PSD3: variants seen among roughly 807,000 people sequenced by gnomAD.
The protein encoded by PSD3 is PH and SEC7 domain-containing protein 3.
PSD3 carries 49 observed loss-of-function variants against 105.5 expected under a neutral mutation model. The observed-to-expected ratio is 0.46, with a 90% CI of 0.37 to 0.59. PSD3 has a LOEUF of 0.59. PSD3 is among the 20% of genes least tolerant of loss of function. The pLI, the probability that PSD3 is intolerant of heterozygous loss-of-function variation, is 0.00. For synonymous variants in PSD3, 557 were observed against 457.8 expected, an observed-to-expected ratio of 1.22 and a Z score of -2.77; for missense variants, 1,561 against 1,263.8, an observed-to-expected ratio of 1.24 and a Z score of -3.57.
intron 9 of PSD3, among the ~76,000 whole-genome samples, chr8:18,765,065 T>C (rs748044384): frequency 2.0e-5 from 3 of 152,212 alleles, no homozygotes; most frequent in Non-Finnish European, 4.4e-5. Context: ...AGACTAGGGA[T>C]TGAACACAGT....
At chr8:18,792,280 G>A (rs141902245) in intron 8 of PSD3, among the ~76,000 whole-genome samples, 19 of 152,272 alleles carry the variant, frequency 1.2e-4, no homozygotes, top group African/African-American at 4.3e-4. Flanking sequence ...GTTAATTGCA[G>A]CACTATTTAC....
At chr8:18,608,030 C>A (rs1029437862) in intron 11 of PSD3, among the ~76,000 whole-genome samples, 20 of 152,252 alleles carry the variant, frequency 1.3e-4, no homozygotes, top group African/African-American at 4.8e-4. Flanking sequence ...GTGGGAACTA[C>A]AATTCAGGAT....
rs531698820 is a variant in PSD3, at chr8:18,593,424, A to C, written c.2481+6940T>G. On this transcript the variant is annotated intron_variant, in intron 12 of 15. Coordinates refer to ENST00000327040, the MANE Select transcript of PSD3 (RefSeq NM_015310.4). Reference sequence around the variant, plus strand: ...AAATGCAAATCAAAACCACAATGAGATATCATCTCACACCAGTTAGAACGG... The same window carrying C: ...AAATGCAAATCAAAACCACAATGAGCTATCATCTCACACCAGTTAGAACGG... Among the ~76,000 whole-genome samples, 625 of 152,340 alleles carry C rather than the reference A, an allele frequency of 4.1e-3. 4 individuals are homozygous for C. Among genetic ancestry groups the C allele is most frequent in the African/African-American group, 0.014 (582 of 41,586 alleles).
intron 9 of PSD3, among the ~76,000 whole-genome samples, chr8:18,707,767 C>G (rs1801989428): frequency 6.6e-6 from 1 of 152,166 alleles, no homozygotes; most frequent in Admixed American, 6.5e-5. Context: ...TCTTATACTT[C>G]TTCCCCGAAG....
chr8:18,547,698 C>A (rs1376290677), intron 15 of PSD3, among the ~76,000 whole-genome samples: 1 of 152,174 alleles, frequency 6.6e-6, no homozygotes, highest in Non-Finnish European at 1.5e-5. Context: ...CACTTCTCAA[C>A]TCCCTTTCTT....
At chr8:18,884,848 A>G (rs1315702027) in intron 2 of PSD3, among the ~76,000 whole-genome samples, 2 of 152,290 alleles carry the variant, frequency 1.3e-5, no homozygotes, top group East Asian at 3.9e-4. Context: ...CATTCAGTCA[A>G]TTTCAGAGGC....
chr8:18,962,599 T>C (rs1048219595), intron 1 of PSD3, among the ~76,000 whole-genome samples: 11 of 152,302 alleles, frequency 7.2e-5, no homozygotes, highest in Middle Eastern at 3.4e-3. Context: ...TGGGTTAGAG[T>C]TATTCCAATT....
At chr8:18,943,095 T>C (rs1175186763) in intron 1 of PSD3, among the ~76,000 whole-genome samples, 1 of 152,070 alleles carries the variant, frequency 6.6e-6, no homozygotes, top group African/African-American at 2.4e-5. Context: ...TACATGAGAA[T>C]CCTAAGATTC....
chr8:18,638,912 G>A (rs1033628209), intron 10 of PSD3, among the ~76,000 whole-genome samples: 6 of 152,146 alleles, frequency 3.9e-5, no homozygotes, highest in Admixed American at 6.5e-5. Context: ...AAGTAGCTAA[G>A]GTCAACTGGA....
chr8:18,621,467 T>A (rs1806104570), intron 11 of PSD3, among the ~76,000 whole-genome samples: 1 of 152,216 alleles, frequency 6.6e-6, no homozygotes. Flanking sequence ...CAACCGACTT[T>A]ATTGCCAGAA....
intron 1 of PSD3, among the ~76,000 whole-genome samples, chr8:18,966,626 T>C (rs1468536968): frequency 3.0e-4 from 45 of 150,498 alleles, no homozygotes; most frequent in Non-Finnish European, 5.9e-5. Flanking sequence ...AATACTTCCC[T>C]AGACCTCCTG....
At chr8:18,760,109 T>G (rs1007678501) in intron 9 of PSD3, among the ~76,000 whole-genome samples, 5 of 151,660 alleles carry the variant, frequency 3.3e-5, no homozygotes, top group Admixed American at 3.3e-4. Context: ...TAGAGGAACT[T>G]TCAAGAAAAT....
At chr8:18,591,662 T>C (rs886287092) in intron 12 of PSD3, among the ~76,000 whole-genome samples, 4 of 152,150 alleles carry the variant, frequency 2.6e-5, no homozygotes, top group African/African-American at 9.7e-5. Flanking sequence ...TGTACTTGAT[T>C]TCTCCCTTGG....
At chr8:18,567,920 C>G (rs1333800984) in intron 14 of PSD3, among the ~76,000 whole-genome samples, 1 of 152,128 alleles carries the variant, frequency 6.6e-6, no homozygotes, top group Non-Finnish European at 1.5e-5. Flanking sequence ...GGGGTAGATC[C>G]CTCATGAATG....
At chr8:18,729,136 TTCA>T (rs2129430495) in intron 9 of PSD3, among the ~76,000 whole-genome samples, 1 of 152,306 alleles carries the variant, frequency 6.6e-6, no homozygotes, top group African/African-American at 2.4e-5. Flanking sequence ...CGCTAGAGAC[TTCA>T]TCAACTATAA....
chr8:19,048,652 CTT>C (rs143326205), intron 1 of PSD3, among the ~76,000 whole-genome samples: 4,774 of 152,264 alleles, frequency 0.031, 237 homozygotes, highest in African/African-American at 0.11. Context: ...TAGAGATACA[CTT>C]TGCCTGTGAA....
intron 1 of PSD3, among the ~76,000 whole-genome samples, chr8:18,946,117 C>G (rs750931493): frequency 5.2e-4 from 79 of 152,318 alleles, no homozygotes; most frequent in Non-Finnish European, 3.2e-4. Flanking sequence ...CTTTTTAGCA[C>G]AGATCATCCA....
intron 2 of PSD3, among the ~76,000 whole-genome samples, chr8:18,918,221 TGCACAACACCAC>T (rs1820750285): frequency 1.3e-5 from 2 of 152,230 alleles, no homozygotes. Flanking sequence ...AGCCATGGTC[TGCACAACACCAC>T]AGCTTTATAT....
chr8:18,773,815 G>T (rs1156232398), intron 8 of PSD3, among the ~76,000 whole-genome samples: 2 of 152,116 alleles, frequency 1.3e-5, no homozygotes, highest in African/African-American at 4.8e-5. Flanking sequence ...TTTTCACAGT[G>T]ATTCTGTGGA....
Sources: gnomAD v4.1 joint callset for allele counts (sites outside exome capture counted in the v4.1 genomes callset) on GRCh38, gnomAD v4.1.1 for gene constraint, MANE v1.5 for transcripts, NCBI Gene and HGNC (gene_info 2026-07-23, HGNC 2026-07-21) for gene names.